The following LVRN variants were observed in gnomAD, a reference collection of about 807,000 sequenced individuals.
LVRN encodes the protein laeverin, also known as aminopeptidase Q.
LVRN carries 99 observed loss-of-function variants against 111.4 expected under a neutral mutation model. That is an observed-to-expected ratio of 0.89 (90% CI 0.76 to 1.05). LVRN has a LOEUF of 1.05. LVRN is among the 50% of genes least tolerant of loss of function. LVRN has a pLI of 0.00. For synonymous variants in LVRN, 488 were observed against 449.5 expected (o/e 1.09, Z -1.08); for missense variants, 1,414 against 1,206.8 (o/e 1.17, Z -2.54).
chr5:116,005,754 G>A, intron 12 of LVRN, 158 bp from the exon 13 acceptor site: 1 of 694,482 alleles, frequency 1.4e-6, no homozygotes, highest in South Asian at 1.5e-5. Context: ...AATAAATTAT[G>A]GGGACTGTCC....
At position 116,005,977 on chromosome 5, in the gene LVRN, T is replaced by C; in HGVS notation, c.2093+10T>C. 6.3e-7 allele frequency: 1 copy of C among 1,581,098 alleles called. No individual in the cohort carries two copies. The highest frequency in any genetic ancestry group is 8.7e-7 in the Non-Finnish European group (1 of 1,150,814). ...CCTTTTCCTTGTCTAAGTGAGTATA[T>C]TTTCTTCTCTCATGGTTTCAGAATA... On this transcript the variant is annotated intron_variant, in intron 13 of 19. Coordinates refer to ENST00000357872, the MANE Select transcript of LVRN (RefSeq NM_173800.5).
Position 116,010,753 on chromosome 5 carries a change from T to C in LVRN, c.2106T>C (p.Ile702=). Residue 702 remains isoleucine, a synonymous_variant, in exon 14 of 20, where the codon ATT becomes ATC. Transcript: ENST00000357872. ...TTAAATCAAACAGAAACAATTATAT[T>C]GAGATTGAAACAGCACTTGAGTTAA... ...DAFSLSKNNY[I]EIETALELTK... The C allele has an allele frequency of 6.3e-7, 1 of 1,596,126 alleles. No homozygotes were observed. Among genetic ancestry groups the C allele is most frequent in the Non-Finnish European group, 8.5e-7 (1 of 1,173,198 alleles).
intron 18 of LVRN, among the ~76,000 whole-genome samples, chr5:116,020,635 G>A (rs1748707180): frequency 6.6e-6 from 1 of 152,304 alleles, no homozygotes; most frequent in East Asian, 1.9e-4. Flanking sequence ...CTAAACAGGA[G>A]CACAAGCAAA....
rs59298442 is a variant in LVRN, at chr5:115,980,102, C to T, written c.696-3185C>T. On this transcript the variant is annotated intron_variant, in intron 1 of 19. Transcript: ENST00000357872. ...CTGACCCACAAGGAGACAAATTCTC[C>T]CAAATTAACTCCCTCACCAGCTGAC... Among the ~76,000 whole-genome samples the T allele has an allele frequency of 8.7e-3, 1,327 of 152,090 alleles. 19 individuals are homozygous for T. Among genetic ancestry groups the T allele is most frequent in the African/African-American group, 0.031 (1,281 of 41,460 alleles).
At chr5:116,022,300 G>A (rs1748746395) in intron 18 of LVRN, 91 bp from the exon 19 acceptor site, 1 of 802,822 alleles carries the variant, frequency 1.2e-6, no homozygotes, top group African/African-American at 1.7e-5. Context: ...ATTAATAGGG[G>A]CCATACACTT....
At position 116,025,690 on chromosome 5, in the gene LVRN, G is replaced by A. The variant is rs142042925; in HGVS notation, c.2833-288G>A. Among the ~76,000 whole-genome samples the A allele has an allele frequency of 1.3e-3, 200 of 152,220 alleles. 2 individuals are homozygous for A. The highest frequency in any genetic ancestry group is 3.9e-3 in the African/African-American group (163 of 41,544). On this transcript the variant is annotated intron_variant, in intron 19 of 19. Coordinates refer to ENST00000357872, the MANE Select transcript of LVRN (RefSeq NM_173800.5). ...AAATCTTAGAGAACACTCTATATGC[G>A]TTCAGTAAATATTCATTGAGACTCA...
intron 1 of LVRN, among the ~76,000 whole-genome samples, chr5:115,979,956 G>T (rs1753527449): frequency 6.6e-6 from 1 of 152,086 alleles, no homozygotes; most frequent in Non-Finnish European, 1.5e-5. Context: ...TTCTCCAAGG[G>T]TGTCATGTGG....
rs1339935607 is a variant in LVRN, at chr5:116,002,881, C to A, written c.1867C>A (p.Gln623Lys). The A allele has an allele frequency of 1.2e-6, 2 of 1,610,768 alleles. No individual in the cohort carries two copies. The highest frequency in any genetic ancestry group is 3.3e-5 in the Admixed American group (2 of 59,922). ...PILWIKNGTT[Q>K]PLVWLDQSSK... ...TCTTTGGATAAAAAATGGAACTACA[C>A]AACCTTTAGTCTGGCTAGATCAAAG... The change falls in exon 11 of 20, where the codon CAA (glutamine) becomes AAA (lysine). Residue 623 changes from glutamine (Q) to lysine (K), a missense_variant. Transcript: ENST00000357872.
chr5:115,990,449 G>A (rs150177398), intron 4 of LVRN, among the ~76,000 whole-genome samples: 63 of 152,272 alleles, frequency 4.1e-4, no homozygotes, highest in African/African-American at 1.5e-3. Flanking sequence ...TTTTGTCAGA[G>A]TTGTTTAAAT....
chr5:115,987,751 G>A, intron 3 of LVRN, 62 bp from the exon 4 acceptor site: 1 of 1,557,270 alleles, frequency 6.4e-7, no homozygotes, highest in African/African-American at 1.4e-5. Flanking sequence ...GGAGCAAGCA[G>A]ACTACCTCTT....
At chr5:115,973,913 A>ATTTATCT (rs990697402) in intron 1 of LVRN, among the ~76,000 whole-genome samples, 15 of 152,144 alleles carry the variant, frequency 9.9e-5, no homozygotes, top group African/African-American at 3.4e-4. Context: ...CTGCCTTGAG[A>ATTTATCT]TTTATCTTTT....
intron 1 of LVRN, among the ~76,000 whole-genome samples, chr5:115,963,869 G>A (rs1306371334): frequency 1.3e-5 from 2 of 152,104 alleles, no homozygotes; most frequent in Non-Finnish European, 2.9e-5. Flanking sequence ...TTAGGTCGCT[G>A]GTACCCCTGA....
intron 12 of LVRN, among the ~76,000 whole-genome samples, chr5:116,004,389 T>C (rs867588076): frequency 1.3e-5 from 2 of 152,146 alleles, no homozygotes; most frequent in Non-Finnish European, 2.9e-5. Flanking sequence ...TGTGAGCCCG[T>C]GGGTGGTTCA....
chr5:116,008,807 T>C (rs1748430679), intron 13 of LVRN, among the ~76,000 whole-genome samples: 1 of 152,198 alleles, frequency 6.6e-6, no homozygotes, highest in South Asian at 2.1e-4. Flanking sequence ...CAGAGGTTAG[T>C]TCATGCAGAT....
rs1054020874 is a variant in LVRN, at chr5:116,004,515, G to A, written c.2037+1135G>A. ...GCAATCTCTCTAGCATATTGGTTTA[G>A]AGCTTAGGTTCTGGATCAGGAAGAC... On this transcript the variant is annotated intron_variant, in intron 12 of 19. Transcript: ENST00000357872. Among the ~76,000 whole-genome samples, 8 of 152,184 alleles carry A rather than the reference G, an allele frequency of 5.3e-5. 1 individual carries two copies. Among genetic ancestry groups the A allele is most frequent in the South Asian group, 4.1e-4 (2 of 4,830 alleles).
In LVRN at chr5:115,963,000, C is replaced by T; in HGVS notation, c.383C>T (p.Thr128Ile). 1 of 1,613,622 alleles carries T rather than the reference C, an allele frequency of 6.2e-7. No individual in the cohort carries two copies. The highest frequency in any genetic ancestry group is 8.5e-7 in the Non-Finnish European group (1 of 1,179,922). Residue 128 changes from threonine to isoleucine, a missense_variant, in exon 1 of 20, where the codon ACT (threonine) becomes ATT (isoleucine). Transcript: ENST00000357872. Reference sequence around the variant, plus strand: ...CTTCCGGCCGGGTCTTTGCCCTTCACTGGCCGCGTGAACATCACGGTGCGC... The same window carrying T: ...CTTCCGGCCGGGTCTTTGCCCTTCATTGGCCGCGTGAACATCACGGTGCGC... Reference protein sequence around the residue: ...DELPAGSLPFTGRVNITVRCT... With the variant: ...DELPAGSLPFIGRVNITVRCT...
chr5:116,012,425 A>ATT lies in LVRN; in HGVS notation c.2300_2301dup (p.Arg768PhefsTer13). The stretch of plus-strand genomic sequence containing the variant: ...AATATGGAATATTTATTCAACTATA[A>ATT]TTCGTGAAAATGTGTTGGCATTACA... On this transcript the variant is annotated frameshift_variant, in exon 15 of 20. Coordinates refer to ENST00000357872, the MANE Select transcript of LVRN (RefSeq NM_173800.5). LOFTEE classifies it high-confidence loss of function. 6.5e-7 allele frequency: 1 copy of ATT among 1,547,488 alleles called. No individual in the cohort carries two copies. The highest frequency in any genetic ancestry group is 1.4e-5 in the African/African-American group (1 of 73,110).
In LVRN at chr5:115,999,797, C is replaced by T; in HGVS notation, c.1410C>T (p.Ile470=). 1 of 1,613,292 alleles carries T rather than the reference C, an allele frequency of 6.2e-7. No homozygotes were observed. Among genetic ancestry groups the T allele is most frequent in the Non-Finnish European group, 8.5e-7 (1 of 1,179,486 alleles). ...TTTTTTCTAACATTTTACATAATATCCTCAGAGAAGATCACGCCCTGGTGA... is the reference window on the plus strand; with the variant it reads ...TTTTTTCTAACATTTTACATAATATTCTCAGAGAAGATCACGCCCTGGTGA... ...EIFFSNILHN[I]LREDHALVTR... is the part of the protein sequence containing the mutation. Residue 470 remains isoleucine, a synonymous_variant, in exon 7 of 20, where the codon ATC becomes ATT. Transcript: ENST00000357872.
At chr5:116,000,324 G>A in intron 7 of LVRN, 109 bp from the exon 8 acceptor site, 5 of 1,434,082 alleles carry the variant, frequency 3.5e-6, no homozygotes, top group African/African-American at 2.8e-5. Flanking sequence ...CAACTAAAAT[G>A]CAAAATGCAA....
Sources: allele counts gnomAD v4.1 joint callset (sites outside exome capture counted in the v4.1 genomes callset), GRCh38; gene constraint gnomAD v4.1.1; transcripts MANE v1.5; gene names NCBI Gene and HGNC (gene_info 2026-07-23, HGNC 2026-07-21).